Variants in PAPLN observed in about 807,000 individuals in gnomAD.
The protein encoded by PAPLN is papilin, proteoglycan like sulfated glycoprotein.
In PAPLN, 146 loss-of-function variants were observed where a neutral mutation model predicts 159.0. That is an observed-to-expected ratio of 0.92 (90% confidence interval 0.80 to 1.05). The LOEUF (loss-of-function observed/expected upper bound fraction) is 1.05. PAPLN is among the 50% of genes least tolerant of loss of function. The pLI, the probability that PAPLN is intolerant of heterozygous loss-of-function variation, is 0.00. For missense variants in PAPLN, 1,720 were observed against 1,743.9 expected, an observed-to-expected ratio of 0.99 and a Z score of 0.24; for synonymous variants, 734 against 702.9, an observed-to-expected ratio of 1.04 and a Z score of -0.70.
In PAPLN at chr14:73,250,101, A is replaced by G. The variant is rs756424957; in HGVS notation, c.452A>G (p.Asp151Gly). The G allele has an allele frequency of 2.0e-5, 33 of 1,609,774 alleles. No individual in the cohort carries two copies. The Admixed American group carries it at 5.2e-4, about 25-fold the overall frequency. Residue 151 changes from aspartate to glycine, a missense_variant, in exon 6 of 27, where the codon GAT becomes GGT. Transcript: ENST00000644200. ...CEPGKRDVCV[D>G]GSCRVVGCDH... is the part of the protein sequence containing the mutation. ...CCTGGCAAGAGGGATGTCTGTGTGG[A>G]TGGCAGCTGCCGGGTGAGTGGTGCC... is the stretch of plus-strand genomic sequence containing the variant.
Position 73,239,859 on chromosome 14 carries a change from G to A in PAPLN, c.54+27G>A, listed in dbSNP as rs570517017. The A allele has an allele frequency of 3.5e-5, 54 of 1,560,950 alleles. No individual in the cohort carries two copies. The South Asian group carries it at 4.6e-4, about 13-fold the overall frequency. On this transcript the variant is annotated intron_variant, in intron 2 of 26. Transcript: ENST00000644200. ...TGAGTGCGGTCCTGCCCCGGCCCCC[G>A]GAGGAACCTGCAGGGGAGTCGGGGG... is the stretch of plus-strand genomic sequence containing the variant.
At position 73,250,910 on chromosome 14, in the gene PAPLN, G is replaced by A; in HGVS notation, c.469G>A (p.Val157Ile). The A allele has an allele frequency of 6.2e-7, 1 of 1,611,906 alleles. No individual in the cohort carries two copies. Residue 157 changes from valine (V) to isoleucine (I), a missense_variant, in exon 7 of 27, where the codon GTC (valine) becomes ATC (isoleucine). Transcript: ENST00000644200. ...CCTCCCGCATCTCTGCCCACAGGTT[G>A]TCGGCTGTGATCACGAGCTGGACTC... is the stretch of plus-strand genomic sequence containing the variant. ...DVCVDGSCRV[V>I]GCDHELDSSK...
chr14:73,266,242 G>A (rs565511688), intron 23 of PAPLN, among the ~76,000 whole-genome samples: 3 of 152,304 alleles, frequency 2.0e-5, no homozygotes, highest in Admixed American at 6.5e-5. Context: ...GGAGGCTGAG[G>A]GAGAATTGCT....
chr14:73,263,730 C>G lies in PAPLN; in HGVS notation c.2809C>G (p.Pro937Ala), dbSNP rs373145744. Residue 937 changes from proline (P) to alanine (A), a missense_variant, in exon 20 of 27, where the codon CCG becomes GCG. Pro to Ala is a conservative substitution (Grantham distance 27). Coordinates refer to ENST00000644200, the MANE Select transcript of PAPLN (RefSeq NM_001365906.3). Reference sequence around the variant, plus strand: ...GCTCTCCTGCTCAGACGACACTGCCCCGGAATCCCAGGCTGCCTGGCAGAA... The same window carrying G: ...GCTCTCCTGCTCAGACGACACTGCCGCGGAATCCCAGGCTGCCTGGCAGAA... ...VRLSCSDDTA[P>A]ESQAAWQKDG... 2 of 1,610,702 alleles carry G rather than the reference C, an allele frequency of 1.2e-6. No homozygotes were observed. Among genetic ancestry groups the G allele is most frequent in the African/African-American group, 2.7e-5 (2 of 74,920 alleles).
rs1231295591 is a variant in PAPLN, at chr14:73,259,033, T to TG, written c.1685dup (p.Gln564SerfsTer24). 6.2e-7 allele frequency: 1 copy of TG among 1,612,106 alleles called. No individual in the cohort carries two copies. Among genetic ancestry groups the TG allele is most frequent in the Non-Finnish European group, 8.5e-7 (1 of 1,179,192 alleles). On this transcript the variant is annotated frameshift_variant, in exon 15 of 27. Transcript: ENST00000644200. LOFTEE classifies it high-confidence loss of function. Reference sequence around the variant, plus strand: ...CCTGCCAGCAACCCCTGGATGCCGTTGGGCCCTCAGGAGTCCCCTGCCTCA... The same window carrying TG: ...CCTGCCAGCAACCCCTGGATGCCGTTGGGGCCCTCAGGAGTCCCCTGCCTCA...
chr14:73,270,808 A>C (rs1887652236), intron 26 of PAPLN, among the ~76,000 whole-genome samples: 1 of 151,470 alleles, frequency 6.6e-6, no homozygotes, highest in Non-Finnish European at 1.5e-5. Context: ...CAGTCTGGCC[A>C]CTCTCCTCCG....
At chr14:73,260,976 C>T (rs1004250249) in intron 17 of PAPLN, 147 bp downstream of exon 17, 170 of 1,404,196 alleles carry the variant, frequency 1.2e-4, no homozygotes, top group East Asian at 3.2e-4. Context: ...TGGAGGGCAC[C>T]GGGCTTCAAA....
At position 73,245,385 on chromosome 14, in the gene PAPLN, A is replaced by G. The variant is rs1357350040; in HGVS notation, c.171-251A>G. 1.1e-5 allele frequency: 6 copies of G among 536,030 alleles called. No homozygotes were observed. The highest frequency in any genetic ancestry group is 9.6e-5 in the African/African-American group (5 of 52,092). 33.2% of individuals were successfully genotyped at this position (536,030 alleles called of 1,614,324 possible). A position where few individuals can be genotyped will look rare whatever the true frequency, so the allele number is the denominator to read the frequency against. Reference sequence around the variant, plus strand: ...GGTCTTCTCTGGGAATCTGCCTAAGATGCAGTGGAGTGGTCCCGCCTTAAA... The same window carrying G: ...GGTCTTCTCTGGGAATCTGCCTAAGGTGCAGTGGAGTGGTCCCGCCTTAAA... On this transcript the variant is annotated intron_variant, in intron 3 of 26. Coordinates refer to ENST00000644200, the MANE Select transcript of PAPLN (RefSeq NM_001365906.3). The surrounding 1 kb of genome is among the most constrained non-coding windows in gnomAD (Gnocchi z 4.2).
chr14:73,249,431 T>C (rs1884972931), intron 5 of PAPLN, among the ~76,000 whole-genome samples: 1 of 152,138 alleles, frequency 6.6e-6, no homozygotes, highest in African/African-American at 2.4e-5. Flanking sequence ...CCCAGCACTT[T>C]GGGAGGCTGA....
rs1886837355 is a variant in PAPLN, at chr14:73,263,675, G to A, written c.2754G>A (p.Leu918=). 6.2e-7 allele frequency: 1 copy of A among 1,613,552 alleles called. No homozygotes were observed. The highest frequency in any genetic ancestry group is 1.3e-5 in the African/African-American group (1 of 74,940). ...GCTTGGCAGGTGTGGAGCCCTCGTT[G>A]GTGCAGGCAGCCCTGGGGCAGTTGG... The part of the protein sequence containing the change: ...RISLAGVEPS[L]VQAALGQLVR... Residue 918 remains leucine, a synonymous_variant, in exon 20 of 27, where the codon TTG becomes TTA. Coordinates refer to ENST00000644200, the MANE Select transcript of PAPLN (RefSeq NM_001365906.3).
chr14:73,258,697 G>A (rs1363502307), intron 14 of PAPLN, among the ~76,000 whole-genome samples: 4 of 151,366 alleles, frequency 2.6e-5, no homozygotes, highest in Non-Finnish European at 5.9e-5. Context: ...AGGAGGTTGA[G>A]GCTTTAGTGA....
Position 73,244,627 on chromosome 14 carries a change from G to A in PAPLN, c.55-17G>A, listed in dbSNP as rs1324643275. 4 of 1,553,438 alleles carry A rather than the reference G, an allele frequency of 2.6e-6. No homozygotes were observed. The highest frequency in any genetic ancestry group is 3.5e-6 in the Non-Finnish European group (4 of 1,146,044). On this transcript the variant is annotated splice_polypyrimidine_tract_variant and intron_variant, in intron 2 of 26. Coordinates refer to ENST00000644200, the MANE Select transcript of PAPLN (RefSeq NM_001365906.3). ...CTGTGAGTGGGCAATGCTGATGCAT[G>A]GTCCTGTCTTCTGCAGGCTCCCAAG...
In PAPLN at chr14:73,245,685, T is replaced by C; in HGVS notation, c.220T>C (p.Cys74Arg). 5 of 1,552,128 alleles carry C rather than the reference T, an allele frequency of 3.2e-6. No individual in the cohort carries two copies. The highest frequency in any genetic ancestry group is 4.3e-6 in the Non-Finnish European group (5 of 1,151,450). The change falls in exon 4 of 27, where the codon TGT becomes CGT. Residue 74 changes from cysteine (C) to arginine (R), a missense_variant. By Grantham distance (180) the Cys-to-Arg change is radical (BLOSUM62 -3). Coordinates refer to ENST00000644200, the MANE Select transcript of PAPLN (RefSeq NM_001365906.3). The surrounding 1 kb of genome is among the most constrained non-coding windows in gnomAD (Gnocchi z 4.2). ...GGGCCCCGCCCGGAGCCACCGCTCT[T>C]GTCGCACGGAGGTAAAGCTCACGGG... Reference protein sequence around the residue: ...CVGPARSHRSCRTESCPDGAR... With the variant: ...CVGPARSHRSRRTESCPDGAR...
At position 73,246,187 on chromosome 14, in the gene PAPLN, C is replaced by G; in HGVS notation, c.334+12C>G. ...GCCCTACTACAGCGGTGAGCGCGGC[C>G]GGGACTCGCTCTCTCGGGGCCTCTT... On this transcript the variant is annotated intron_variant, in intron 5 of 26. Transcript: ENST00000644200. The G allele has an allele frequency of 6.4e-7, 1 of 1,563,944 alleles. No homozygotes were observed. The highest frequency in any genetic ancestry group is 8.6e-7 in the Non-Finnish European group (1 of 1,160,288).
chr14:73,254,550 G>A lies in PAPLN; in HGVS notation c.1340G>A (p.Ser447Asn), dbSNP rs1472091501. The change falls in exon 13 of 27, where the codon AGC becomes AAC. Residue 447 changes from serine (S) to asparagine (N), a missense_variant. Physicochemically the swap from Ser to Asn is conservative, Grantham distance 46. Coordinates refer to ENST00000644200, the MANE Select transcript of PAPLN (RefSeq NM_001365906.3). ...TGTGGCGTTGGCGTCCGGAAGCGGA[G>A]CGTTACTTGCCGGGGTGAAAGGGGT... ...VSCGVGVRKRSVTCRGERGSL... is the reference protein window; with the variant it reads ...VSCGVGVRKRNVTCRGERGSL... The A allele has an allele frequency of 6.2e-7, 1 of 1,614,056 alleles. No homozygotes were observed.
chr14:73,242,034 G>A (rs60407010), intron 2 of PAPLN, among the ~76,000 whole-genome samples: 6,950 of 152,352 alleles, frequency 0.046, 554 homozygotes, highest in African/African-American at 0.16. Flanking sequence ...AGCTCATTCC[G>A]GCTTCACGCC....
intron 26 of PAPLN, among the ~76,000 whole-genome samples, chr14:73,271,623 TCCC>T (rs1338229183): frequency 1.3e-5 from 2 of 152,044 alleles, no homozygotes; most frequent in African/African-American, 4.8e-5. Flanking sequence ...TGCCTCAGCT[TCCC>T]GAGTAGCTGG....
upstream of PAPLN, among the ~76,000 whole-genome samples, chr14:73,236,583 G>C (rs141111942): frequency 9.1e-4 from 138 of 152,272 alleles, no homozygotes; most frequent in African/African-American, 3.0e-3. Context: ...TTGGGAGTCC[G>C]AGGTGGGTGG....
At chr14:73,266,939 G>A in intron 25 of PAPLN, 108 bp downstream of exon 25, 1 of 1,104,520 alleles carries the variant, frequency 9.1e-7, no homozygotes, top group Non-Finnish European at 1.3e-6. Context: ...TTCCATTCCG[G>A]CTTCCAGGCC....
Sources: allele counts gnomAD v4.1 joint callset (sites outside exome capture counted in the v4.1 genomes callset), GRCh38; gene constraint gnomAD v4.1.1; non-coding constraint Gnocchi (gnomAD v3.1); transcripts MANE v1.5; gene names NCBI Gene and HGNC (gene_info 2026-07-23, HGNC 2026-07-21).